The following GALK2 variants were observed in gnomAD, a reference collection of about 807,000 sequenced individuals.
GALK2 encodes the protein N-acetylgalactosamine kinase.
GALK2 carries 36 observed loss-of-function variants against 52.4 expected under a neutral mutation model. The ratio of observed to expected loss-of-function variants is 0.69; its 90% CI spans 0.53 to 0.91. GALK2 has a LOEUF of 0.91. Ranked by LOEUF, GALK2 falls within the 40% of genes least tolerant of loss-of-function variation. The pLI is 0.00. For synonymous variants in GALK2, 176 were observed against 199.1 expected (o/e 0.88, Z 0.98); for missense variants, 579 against 559.1 (o/e 1.04, Z -0.36).
chr15:49,186,312 T>C (rs1410907583), intron 1 of GALK2, among the ~76,000 whole-genome samples: 1 of 152,122 alleles, frequency 6.6e-6, no homozygotes, highest in Non-Finnish European at 1.5e-5. Flanking sequence ...TTCTTTTTTC[T>C]TTTGTGTCCT....
At chr15:49,170,536 A>G in intron 1 of GALK2, 161 bp downstream of exon 1, 4 of 650,848 alleles carry the variant, frequency 6.1e-6, no homozygotes. Context: ...CTTGCAAAAA[A>G]GATCACGCCG....
chr15:49,192,017 A>G (rs555845424), intron 1 of GALK2, among the ~76,000 whole-genome samples: 25 of 151,872 alleles, frequency 1.6e-4, no homozygotes, highest in Non-Finnish European at 2.6e-4. Context: ...TTGATGCTCA[A>G]TTGTTTCAGG....
intron 5 of GALK2, among the ~76,000 whole-genome samples, chr15:49,272,880 T>G (rs2030943926): frequency 1.3e-5 from 2 of 152,208 alleles, no homozygotes; most frequent in African/African-American, 4.8e-5. Context: ...TGGGTCCCTC[T>G]GTGACTTGGA....
intron 5 of GALK2, among the ~76,000 whole-genome samples, chr15:49,242,288 A>G (rs1267424058): frequency 6.6e-6 from 1 of 152,202 alleles, no homozygotes; most frequent in African/African-American, 2.4e-5. Flanking sequence ...CAAGGGAACT[A>G]ACTAGGAAGG....
chr15:49,192,170 A>G (rs948567624), intron 1 of GALK2, among the ~76,000 whole-genome samples: 32 of 152,128 alleles, frequency 2.1e-4, no homozygotes, highest in African/African-American at 7.7e-4. Flanking sequence ...TTCTGGAATC[A>G]GCCATTTCTT....
chr15:49,365,743 C>A (rs1432199840), intron 3 of GALK2: 6 of 873,254 alleles, frequency 6.9e-6, no homozygotes, highest in Non-Finnish European at 2.0e-6. Context: ...TTGTAAAATC[C>A]AAGCCCACCT....
chr15:49,212,749 A>G (rs72727251), intron 2 of GALK2, among the ~76,000 whole-genome samples: 25,687 of 152,030 alleles, frequency 0.17, 2,833 homozygotes, highest in Admixed American at 0.29. Context: ...TAATTTTTTC[A>G]TTGGCCCACT....
chr15:49,337,353 A>G (rs1464635782), intron 3 of GALK2, among the ~76,000 whole-genome samples: 1 of 151,780 alleles, frequency 6.6e-6, no homozygotes, highest in African/African-American at 2.4e-5. Context: ...ATCAGCATCT[A>G]TTGTTTTTTG....
rs1325001268 is a variant in GALK2, at chr15:49,359,539, A to C, written c.427-7952A>C. ...AAATGCAAATCAAAACCACAATGAG[A>C]TACCATCTCACACCAGTTAGAATGG... On this transcript the variant is annotated intron_variant, in intron 3 of 3. Coordinates refer to the GALK2 transcript ENST00000558399. 1.1e-4 allele frequency among the ~76,000 whole-genome samples: 13 copies of C among 117,484 alleles called. 4 individuals are homozygous for C. Among genetic ancestry groups the C allele is most frequent in the Admixed American group, 6.4e-4 (8 of 12,444 alleles). The allele number at this position is 117,484 out of a possible 152,430, so 77.1% of individuals were successfully genotyped here.
Position 49,365,777 on chromosome 15 carries a change from A to G in GALK2, c.427-1714A>G, listed in dbSNP as rs1567160847. On this transcript the variant is annotated intron_variant, in intron 3 of 3. Transcript: ENST00000558399. Reference sequence around the variant, plus strand: ...CTGTCTTCATTTTGAAACACAGCCCAAACAATAGCTATTGCTATGCACAGT... The same window carrying G: ...CTGTCTTCATTTTGAAACACAGCCCGAACAATAGCTATTGCTATGCACAGT... 7.0e-6 allele frequency: 6 copies of G among 854,472 alleles called. No homozygotes were observed. In the East Asian group the frequency reaches 1.2e-4, roughly 17 times the overall value. The allele number at this position is 854,472 out of a possible 1,614,324, so 52.9% of individuals were successfully genotyped here. A position where few individuals can be genotyped will look rare whatever the true frequency, so the allele number is the denominator to read the frequency against.
At chr15:49,309,447 T>C (rs2035809282) in intron 8 of GALK2, among the ~76,000 whole-genome samples, 1 of 152,170 alleles carries the variant, frequency 6.6e-6, no homozygotes, top group African/African-American at 2.4e-5. Context: ...TCTTTAATTT[T>C]TAGTTAACAT....
intron 8 of GALK2, among the ~76,000 whole-genome samples, chr15:49,292,841 A>G (rs1179164982): frequency 6.6e-6 from 1 of 151,646 alleles, no homozygotes; most frequent in Non-Finnish European, 1.5e-5. Flanking sequence ...TGCTACTTGT[A>G]TAAAAAATGG....
chr15:49,308,147 C>T (rs2035696870), intron 8 of GALK2, among the ~76,000 whole-genome samples: 1 of 152,112 alleles, frequency 6.6e-6, no homozygotes, highest in Non-Finnish European at 1.5e-5. Context: ...GAGTCTTTGC[C>T]TCAGAGCACG....
chr15:49,259,919 T>C (rs2092015257), intron 5 of GALK2, among the ~76,000 whole-genome samples: 1 of 152,080 alleles, frequency 6.6e-6, no homozygotes, highest in African/African-American at 2.4e-5. Flanking sequence ...CTCATCATTT[T>C]TTATGGCTGC....
At chr15:49,184,459 T>C (rs931904455) in intron 1 of GALK2, among the ~76,000 whole-genome samples, 2 of 152,226 alleles carry the variant, frequency 1.3e-5, no homozygotes, top group African/African-American at 4.8e-5. Context: ...ACTGGAGAGC[T>C]GAGTCCATTT....
chr15:49,229,757 G>A (rs569338941), intron 3 of GALK2, among the ~76,000 whole-genome samples: 2 of 152,220 alleles, frequency 1.3e-5, no homozygotes, highest in East Asian at 1.9e-4. Context: ...GCCCAGCTGC[G>A]GGGGAGAGTG....
intron 9 of GALK2, among the ~76,000 whole-genome samples, chr15:49,325,192 C>A (rs561028030): frequency 2.8e-4 from 43 of 152,282 alleles, no homozygotes; most frequent in Middle Eastern, 3.4e-3. Flanking sequence ...GAGTAACATT[C>A]CTCATAATCT....
At chr15:49,312,134 G>A (rs1596068921) in intron 8 of GALK2, among the ~76,000 whole-genome samples, 1 of 152,138 alleles carries the variant, frequency 6.6e-6, no homozygotes, top group African/African-American at 2.4e-5. Flanking sequence ...ACACCCTCTT[G>A]ACTGTGTGCA....
chr15:49,223,399 T>G (rs2089942411), intron 3 of GALK2, among the ~76,000 whole-genome samples: 1 of 152,214 alleles, frequency 6.6e-6, no homozygotes, highest in Non-Finnish European at 1.5e-5. Context: ...TATTTTAGAT[T>G]CAGGGGTTAC....
Sources: allele counts gnomAD v4.1 joint callset (sites outside exome capture counted in the v4.1 genomes callset), GRCh38; gene constraint gnomAD v4.1.1; transcripts MANE v1.5; gene names NCBI Gene and HGNC (gene_info 2026-07-23, HGNC 2026-07-21).